FAM228B: variants seen among roughly 807,000 people sequenced by gnomAD.
FAM228B encodes the protein family with sequence similarity 228 member B, also known as protein FAM228B.
A neutral mutation model predicts 42.6 loss-of-function variants in FAM228B; 38 were observed. That is an observed-to-expected ratio of 0.89 (90% CI 0.69 to 1.17). The LOEUF is 1.17. FAM228B is among the 50% of genes most tolerant of loss of function. FAM228B has a pLI of 0.00. For synonymous variants in FAM228B, 109 were observed against 122.3 expected, an observed-to-expected ratio of 0.89 and a Z score of 0.72; for missense variants, 344 against 367.3, an observed-to-expected ratio of 0.94 and a Z score of 0.52.
upstream of FAM228B, chr2:24,122,394 T>G (rs773913005): frequency 6.8e-6 from 10 of 1,480,002 alleles, no homozygotes; most frequent in Non-Finnish European, 1.9e-6. Context: ...AATCAAGTCT[T>G]AGGTCCAAAC....
intron 3 of FAM228B, among the ~76,000 whole-genome samples, chr2:24,136,156 G>C (rs1005006442): frequency 5.4e-5 from 8 of 147,014 alleles, no homozygotes. Flanking sequence ...TGGCCTCCTG[G>C]GCTCAAGTGA....
upstream of FAM228B, chr2:24,122,367 A>T: frequency 7.7e-7 from 1 of 1,290,558 alleles, no homozygotes; most frequent in Non-Finnish European, 1.1e-6. Context: ...TTTTTGGAAG[A>T]ATAGAAATAA....
chr2:24,087,718 C>T (rs1190610245), intron 2 of FAM228B, among the ~76,000 whole-genome samples: 2 of 151,954 alleles, frequency 1.3e-5, no homozygotes, highest in Admixed American at 6.6e-5. Context: ...TCAAGCGATT[C>T]TCCTGCCTCA....
chr2:24,135,967 T>A (rs946440537), intron 3 of FAM228B, among the ~76,000 whole-genome samples: 1 of 148,870 alleles, frequency 6.7e-6, no homozygotes, highest in Non-Finnish European at 1.5e-5. Flanking sequence ...AGGTCAGTTA[T>A]AGTGAAGGGT....
intron 2 of FAM228B, among the ~76,000 whole-genome samples, chr2:24,127,571 G>C (rs1389301531): frequency 6.6e-6 from 1 of 152,088 alleles, no homozygotes; most frequent in Non-Finnish European, 1.5e-5. Context: ...AGCAATGTAT[G>C]AAAGTTACAA....
intron 3 of FAM228B, among the ~76,000 whole-genome samples, chr2:24,101,143 T>A (rs1665596762): frequency 6.6e-6 from 1 of 152,112 alleles, no homozygotes; most frequent in Admixed American, 6.5e-5. Context: ...GGGATAGCAT[T>A]ACAAGAAATA....
At chr2:24,168,854 G>A (rs1425635021) in intron 10 of FAM228B, among the ~76,000 whole-genome samples, 1 of 152,114 alleles carries the variant, frequency 6.6e-6, no homozygotes, top group Admixed American at 6.5e-5. Context: ...GGAAGGCTGA[G>A]TACATGGATA....
At chr2:24,099,713 A>G (rs1326395120) in intron 3 of FAM228B, among the ~76,000 whole-genome samples, 2 of 152,200 alleles carry the variant, frequency 1.3e-5, no homozygotes, top group South Asian at 2.1e-4. Context: ...TATAGATTCA[A>G]TGCCATCCCC....
intron 2 of FAM228B, among the ~76,000 whole-genome samples, chr2:24,132,945 G>T (rs967420706): frequency 6.6e-6 from 1 of 152,146 alleles, no homozygotes; most frequent in Admixed American, 6.6e-5. Context: ...TCAAGAGTTT[G>T]CCAGATATTT....
chr2:24,121,261 C>A (rs1666108697), upstream of FAM228B: 1 of 1,614,182 alleles, frequency 6.2e-7, no homozygotes, highest in African/African-American at 1.3e-5. Flanking sequence ...GGGTTCTTGG[C>A]AAATCCATTC....
chr2:24,087,556 A>G (rs1050743414), intron 2 of FAM228B, among the ~76,000 whole-genome samples: 2 of 152,108 alleles, frequency 1.3e-5, no homozygotes, highest in African/African-American at 4.8e-5. Context: ...GCTGGTCACC[A>G]GAAAGACCCT....
chr2:24,098,886 A>T (rs1027702949), intron 3 of FAM228B, among the ~76,000 whole-genome samples: 2 of 152,210 alleles, frequency 1.3e-5, no homozygotes, highest in Non-Finnish European at 2.9e-5. Context: ...ATCCTCAATA[A>T]AATACTGGCA....
At chr2:24,119,930 GA>G (rs1263380730), upstream of FAM228B, among the ~76,000 whole-genome samples, 17 of 152,196 alleles carry the variant, frequency 1.1e-4, no homozygotes, top group East Asian at 1.9e-4. Context: ...GATGGATTTT[GA>G]AAAAGTTCTG....
intron 3 of FAM228B, among the ~76,000 whole-genome samples, chr2:24,106,586 C>T (rs1356449142): frequency 2.6e-5 from 4 of 152,086 alleles, no homozygotes; most frequent in Admixed American, 6.6e-5. Context: ...TCCCAAAGTG[C>T]TGGGATTACA....
At chr2:24,089,795 A>C (rs1665344692) in intron 2 of FAM228B, among the ~76,000 whole-genome samples, 1 of 152,134 alleles carries the variant, frequency 6.6e-6, no homozygotes, top group African/African-American at 2.4e-5. Context: ...AAAGATAAAC[A>C]TTTCTTTAAA....
At chr2:24,143,505 T>C (rs903585755) in intron 5 of FAM228B, among the ~76,000 whole-genome samples, 1 of 152,200 alleles carries the variant, frequency 6.6e-6, no homozygotes. Flanking sequence ...CTCCTACTTT[T>C]TTCAATTACG....
intron 3 of FAM228B, among the ~76,000 whole-genome samples, chr2:24,135,498 CACTG>C (rs1415359416): frequency 1.3e-5 from 2 of 152,200 alleles, no homozygotes; most frequent in African/African-American, 2.4e-5. Context: ...TAGCAGAACA[CACTG>C]ACTAATTATT....
At chr2:24,141,165 C>T (rs1666736469) in intron 5 of FAM228B, among the ~76,000 whole-genome samples, 1 of 151,886 alleles carries the variant, frequency 6.6e-6, no homozygotes, top group Non-Finnish European at 1.5e-5. Context: ...ACCTCCCCAT[C>T]CTGGGTTCAA....
chr2:24,109,377 T>C (rs972038539), intron 3 of FAM228B, among the ~76,000 whole-genome samples: 2 of 152,084 alleles, frequency 1.3e-5, no homozygotes, highest in Non-Finnish European at 1.5e-5. Flanking sequence ...ATTCTGGACA[T>C]AGGACTTGGT....
Sources: gnomAD v4.1 joint callset for allele counts (sites outside exome capture counted in the v4.1 genomes callset) on GRCh38, gnomAD v4.1.1 for gene constraint, MANE v1.5 for transcripts, NCBI Gene and HGNC (gene_info 2026-07-23, HGNC 2026-07-21) for gene names.